Variants in MAN1C1 observed in about 807,000 individuals in gnomAD.
MAN1C1 encodes the protein mannosidase alpha class 1C member 1.
In MAN1C1, 49 loss-of-function variants were observed where a neutral mutation model predicts 71.5. The ratio of observed to expected loss-of-function variants is 0.69; its 90% CI spans 0.54 to 0.87. The LOEUF (loss-of-function observed/expected upper bound fraction) is 0.87. MAN1C1 is among the 40% of genes least tolerant of loss of function. MAN1C1 has a pLI of 0.00. For synonymous variants in MAN1C1, 352 were observed against 343.7 expected (o/e 1.02, Z -0.27); for missense variants, 743 against 835.0 (o/e 0.89, Z 1.36).
chr1:25,708,889 A>T (rs2046564427), intron 2 of MAN1C1, among the ~76,000 whole-genome samples: 1 of 152,102 alleles, frequency 6.6e-6, no homozygotes, highest in Non-Finnish European at 1.5e-5. Flanking sequence ...TGTCAAAAGA[A>T]GAAAAAAAAA....
At chr1:25,638,368 T>C (rs1227322561) in intron 1 of MAN1C1, among the ~76,000 whole-genome samples, 1 of 152,222 alleles carries the variant, frequency 6.6e-6, no homozygotes, top group East Asian at 1.9e-4. Context: ...CTATGTATGT[T>C]ATAAACCTCA....
chr1:25,655,886 T>G lies in MAN1C1; in HGVS notation c.541-30554T>G, dbSNP rs528772838. ...ATTTAAAGAAGAAAAGTCTTGTCCTTGAGGCTGACAGTGTGGAATAACTCC... is the reference window on the plus strand; with the variant it reads ...ATTTAAAGAAGAAAAGTCTTGTCCTGGAGGCTGACAGTGTGGAATAACTCC... On this transcript the variant is annotated intron_variant, in intron 1 of 11. Coordinates refer to ENST00000374332, the MANE Select transcript of MAN1C1 (RefSeq NM_020379.4). Among the ~76,000 whole-genome samples the G allele has an allele frequency of 2.0e-5, 3 of 152,124 alleles. No homozygotes were observed. The East Asian group carries it at 5.8e-4, about 29-fold the overall frequency.
At chr1:25,708,191 G>C (rs147866779) in intron 2 of MAN1C1, among the ~76,000 whole-genome samples, 102 of 152,336 alleles carry the variant, frequency 6.7e-4, no homozygotes, top group African/African-American at 2.4e-3. Context: ...TTGACCATAT[G>C]CTAAACAAGG....
chr1:25,666,459 C>T (rs796129668), intron 1 of MAN1C1, among the ~76,000 whole-genome samples: 5 of 152,278 alleles, frequency 3.3e-5, no homozygotes, highest in East Asian at 1.9e-4. Flanking sequence ...GGTTCACAAA[C>T]GGAACACCAA....
At chr1:25,618,677 A>G (rs920247658) in intron 1 of MAN1C1, among the ~76,000 whole-genome samples, 3 of 152,022 alleles carry the variant, frequency 2.0e-5, no homozygotes, top group Non-Finnish European at 4.4e-5. Context: ...GGAGTTGCTA[A>G]TGAGAGTGGA....
Position 25,735,464 on chromosome 1 carries a change from C to G in MAN1C1, c.638-11204C>G, listed in dbSNP as rs535571701. Among the ~76,000 whole-genome samples the G allele has an allele frequency of 6.6e-6, 1 of 151,654 alleles. No individual in the cohort carries two copies. The highest frequency in any genetic ancestry group is 1.9e-4 in the East Asian group (1 of 5,162). Reference sequence around the variant, plus strand: ...TGTATGTATATATATATGTGTGTATCTATATATGTGTATGTATATATGTGT... The same window carrying G: ...TGTATGTATATATATATGTGTGTATGTATATATGTGTATGTATATATGTGT... On this transcript the variant is annotated intron_variant, in intron 2 of 11. Transcript: ENST00000374332. This position sits in a 1 kb window ranked among gnomAD's most constrained non-coding sequence, Gnocchi z 4.6.
chr1:25,697,464 G>A (rs2046384061), intron 2 of MAN1C1, among the ~76,000 whole-genome samples: 1 of 152,200 alleles, frequency 6.6e-6, no homozygotes. Flanking sequence ...ATAGACGTTT[G>A]GATTGTTTCT....
At chr1:25,703,491 G>A (rs2046475063) in intron 2 of MAN1C1, among the ~76,000 whole-genome samples, 1 of 152,188 alleles carries the variant, frequency 6.6e-6, no homozygotes, top group Admixed American at 6.5e-5. Context: ...AGACCAGCCT[G>A]ACCAACATGG....
intron 1 of MAN1C1, 22 bp downstream of exon 1, chr1:25,618,359 T>C: frequency 1.3e-6 from 2 of 1,578,136 alleles, no homozygotes; most frequent in Non-Finnish European, 1.7e-6. Flanking sequence ...GCCCCCAAAC[T>C]CCTCCCACCA....
intron 2 of MAN1C1, among the ~76,000 whole-genome samples, chr1:25,706,960 C>G (rs180796083): frequency 6.5e-4 from 99 of 152,340 alleles, no homozygotes; most frequent in African/African-American, 2.3e-3. Context: ...TGTAGGATTC[C>G]CACCTTAGTT....
chr1:25,699,948 G>T (rs1042887803), intron 2 of MAN1C1, among the ~76,000 whole-genome samples: 4 of 152,116 alleles, frequency 2.6e-5, no homozygotes, highest in Non-Finnish European at 4.4e-5. Flanking sequence ...AAGCATAAAC[G>T]GTCAGCATGA....
chr1:25,642,319 A>G (rs766797232), intron 1 of MAN1C1, among the ~76,000 whole-genome samples: 3 of 152,224 alleles, frequency 2.0e-5, no homozygotes, highest in Non-Finnish European at 4.4e-5. Flanking sequence ...CTCAGGAAAT[A>G]GGAGATACTG....
intron 10 of MAN1C1, among the ~76,000 whole-genome samples, chr1:25,781,842 C>T (rs1289803531): frequency 6.6e-6 from 1 of 152,176 alleles, no homozygotes; most frequent in Non-Finnish European, 1.5e-5. Flanking sequence ...GCTCCTATGC[C>T]CAGTCCATAG....
intron 1 of MAN1C1, among the ~76,000 whole-genome samples, chr1:25,628,944 C>G (rs191137033): frequency 6.6e-6 from 1 of 152,098 alleles, no homozygotes; most frequent in Admixed American, 6.6e-5. Context: ...TTCACAGCTC[C>G]GTAGTATTCC....
At chr1:25,670,009 C>T (rs1006072503) in intron 1 of MAN1C1, among the ~76,000 whole-genome samples, 1 of 152,204 alleles carries the variant, frequency 6.6e-6, no homozygotes, top group Non-Finnish European at 1.5e-5. Flanking sequence ...TAGATGGTTT[C>T]ACATGATTCT....
At chr1:25,649,446 C>T (rs924525177) in intron 1 of MAN1C1, among the ~76,000 whole-genome samples, 3 of 152,238 alleles carry the variant, frequency 2.0e-5, no homozygotes, top group Non-Finnish European at 4.4e-5. Context: ...GGCTCAGGCT[C>T]AGGTTGATCC....
intron 1 of MAN1C1, among the ~76,000 whole-genome samples, chr1:25,632,298 T>A (rs998819611): frequency 1.3e-5 from 2 of 152,226 alleles, no homozygotes; most frequent in African/African-American, 2.4e-5. Context: ...TGCGTAGAGA[T>A]GTTTGTAGTA....
intron 1 of MAN1C1, among the ~76,000 whole-genome samples, chr1:25,670,095 C>G (rs1332882633): frequency 6.6e-6 from 1 of 152,262 alleles, no homozygotes; most frequent in African/African-American, 2.4e-5. Context: ...AAACAAGACT[C>G]CTGCCCTCCT....
chr1:25,667,103 G>A (rs1175016626), intron 1 of MAN1C1, among the ~76,000 whole-genome samples: 5 of 152,186 alleles, frequency 3.3e-5, no homozygotes, highest in Non-Finnish European at 5.9e-5. Context: ...TGGGGAGGAG[G>A]ATGTGAGGAT....
Sources: allele counts gnomAD v4.1 joint callset (sites outside exome capture counted in the v4.1 genomes callset), GRCh38; gene constraint gnomAD v4.1.1; non-coding constraint Gnocchi (gnomAD v3.1); transcripts MANE v1.5; gene names NCBI Gene and HGNC (gene_info 2026-07-23, HGNC 2026-07-21).